COL13A1: variants seen among roughly 807,000 people sequenced by gnomAD.
The protein encoded by COL13A1 is collagen alpha-1(XIII) chain.
In COL13A1, 89 loss-of-function variants were observed where a neutral mutation model predicts 130.9. The observed-to-expected ratio is 0.68, with a 90% CI of 0.57 to 0.81. The LOEUF is 0.81. Ranked by LOEUF, COL13A1 falls within the 30% of genes least tolerant of loss-of-function variation. COL13A1 has a pLI of 0.00. For missense variants in COL13A1, 879 were observed against 934.6 expected, an observed-to-expected ratio of 0.94 and a Z score of 0.78; for synonymous variants, 402 against 341.6, an observed-to-expected ratio of 1.18 and a Z score of -1.95.
In COL13A1 at chr10:69,898,619, G is replaced by A. The variant is rs1186247765; in HGVS notation, c.685-78G>A. ...CCCTCTTGGTTGCCCTGCCCTCCTG[G>A]TGACTTTTGGCATCGATCTGAATAC... On this transcript the variant is annotated intron_variant, in intron 13 of 40. Coordinates refer to ENST00000645393, the MANE Select transcript of COL13A1 (RefSeq NM_001368882.1). 3 of 1,315,178 alleles carry A rather than the reference G, an allele frequency of 2.3e-6. No homozygotes were observed. In the African/African-American group the frequency reaches 4.4e-5, roughly 19 times the overall value. 81.5% of individuals were successfully genotyped at this position (1,315,178 alleles called of 1,614,324 possible).
At chr10:69,828,466 C>T (rs1848050626) in intron 2 of COL13A1, among the ~76,000 whole-genome samples, 1 of 152,138 alleles carries the variant, frequency 6.6e-6, no homozygotes, top group African/African-American at 2.4e-5. Flanking sequence ...GTGCTCATAC[C>T]CCCCATCCCA....
intron 1 of COL13A1, among the ~76,000 whole-genome samples, chr10:69,809,025 A>G (rs942407692): frequency 1.3e-5 from 2 of 152,084 alleles, no homozygotes; most frequent in African/African-American, 4.8e-5. Flanking sequence ...ACCCCCTCCC[A>G]TCCTCTACTC....
rs2065979984 is a variant in COL13A1, at chr10:69,930,542, C to T, written c.1673C>T (p.Ala558Val). 2 of 1,613,056 alleles carry T rather than the reference C, an allele frequency of 1.2e-6. No individual in the cohort carries two copies. ...GGGGAAAAAGGGGAGACAGGACAAG[C>T]AGGCTCACCGGTGAGTGGCAGGGCT... is the stretch of plus-strand genomic sequence containing the variant. ...EKGEKGETGQ[A>V]GSPGEKGEAG... is the part of the protein sequence containing the mutation. Residue 558 changes from alanine to valine, a missense_variant, in exon 30 of 41, where the codon GCA becomes GTA. Physicochemically the swap from Ala to Val is moderately conservative, Grantham distance 64 (BLOSUM62 0). Coordinates refer to ENST00000645393, the MANE Select transcript of COL13A1 (RefSeq NM_001368882.1).
chr10:69,808,383 T>A (rs920838459), intron 1 of COL13A1, among the ~76,000 whole-genome samples: 40 of 152,322 alleles, frequency 2.6e-4, no homozygotes, highest in African/African-American at 9.1e-4. Context: ...TTCCTGTTGC[T>A]CTTCCTAGGT....
rs1436153843 is a variant in COL13A1 at position 69,952,987 on chromosome 10, C to T, written c.2145+19C>T. On this transcript the variant is annotated intron_variant, in intron 39 of 40. Transcript: ENST00000645393. Reference sequence around the variant, plus strand: ...CCCATTGGTATGTTTTTGTTTATCACTTGCATTGTTCTGGTTTTTGTTCTT... The same window carrying T: ...CCCATTGGTATGTTTTTGTTTATCATTTGCATTGTTCTGGTTTTTGTTCTT... The T allele has an allele frequency of 1.3e-6, 2 of 1,494,326 alleles. No homozygotes were observed. The highest frequency in any genetic ancestry group is 1.4e-5 in the South Asian group (1 of 71,754). The allele number at this position is 1,494,326 out of a possible 1,614,324, so 92.6% of individuals were successfully genotyped here.
intron 30 of COL13A1, chr10:69,931,299 C>A: frequency 2.2e-6 from 1 of 446,640 alleles, no homozygotes; most frequent in Non-Finnish European, 4.5e-6. Flanking sequence ...TGCAGGCAGC[C>A]ACAGATGAGG....
At chr10:69,884,953 G>T (rs578250311) in intron 7 of COL13A1, among the ~76,000 whole-genome samples, 9 of 152,342 alleles carry the variant, frequency 5.9e-5, no homozygotes, top group East Asian at 5.8e-4. Flanking sequence ...AAGAAATGAC[G>T]CTGGGACAAC....
Position 69,849,137 on chromosome 10 carries a change from G to A in COL13A1, c.365-18661G>A, listed in dbSNP as rs1256694968. 2.6e-5 allele frequency among the ~76,000 whole-genome samples: 4 copies of A among 152,344 alleles called. No individual in the cohort carries two copies. In the South Asian group the frequency reaches 8.3e-4, roughly 32 times the overall value. ...TTTTAAATGTCTTAGAATTTTCAAA[G>A]GTTCTGATATCACAGTGCTTACAGA... On this transcript the variant is annotated intron_variant, in intron 2 of 40. Transcript: ENST00000645393.
intron 34 of COL13A1, among the ~76,000 whole-genome samples, chr10:69,938,620 G>T (rs1327018554): frequency 6.6e-6 from 1 of 152,160 alleles, no homozygotes; most frequent in African/African-American, 2.4e-5. Flanking sequence ...CTCAAGGCCA[G>T]TTCCCACCCC....
chr10:69,826,846 G>T (rs149663639), intron 2 of COL13A1, among the ~76,000 whole-genome samples: 8 of 152,046 alleles, frequency 5.3e-5, no homozygotes, highest in Non-Finnish European at 7.4e-5. Context: ...CAGATGCTTC[G>T]GTTCTTGCCA....
intron 15 of COL13A1, among the ~76,000 whole-genome samples, chr10:69,904,135 C>T (rs2062481478): frequency 6.6e-6 from 1 of 152,168 alleles, no homozygotes; most frequent in African/African-American, 2.4e-5. Context: ...GGAAGGGAAA[C>T]TCAGGAAACG....
chr10:69,869,825 T>C (rs917468967), intron 3 of COL13A1, among the ~76,000 whole-genome samples: 1 of 152,156 alleles, frequency 6.6e-6, no homozygotes, highest in Non-Finnish European at 1.5e-5. Context: ...TGAAAACAGA[T>C]GACCAAGGGA....
At position 69,921,901 on chromosome 10, in the gene COL13A1, G is replaced by T. The variant is rs1177354763; in HGVS notation, c.1109G>T (p.Gly370Val). Residue 370 changes from glycine (G) to valine (V), a missense_variant, in exon 22 of 41, where the codon GGC becomes GTC. By Grantham distance (109) the Gly-to-Val change is moderately radical. This residue lies in a region of COL13A1 where 715 missense variants were observed against 721.0 expected (regional missense o/e 0.99). Transcript: ENST00000645393. Reference protein sequence around the residue: ...RGQRGEKGAEGSPGLPGLLGQ... With the variant: ...RGQRGEKGAEVSPGLPGLLGQ... The stretch of plus-strand genomic sequence containing the variant: ...CTGCAGGGTGAGAAGGGGGCTGAAG[G>T]CTCCCCTGGGCTTCCTGGCCTCCTG... 1 of 1,607,498 alleles carries T rather than the reference G, an allele frequency of 6.2e-7. No homozygotes were observed. The highest frequency in any genetic ancestry group is 2.2e-5 in the East Asian group (1 of 44,680).
intron 2 of COL13A1, among the ~76,000 whole-genome samples, chr10:69,852,129 T>C (rs1429548880): frequency 1.3e-5 from 2 of 152,162 alleles, no homozygotes; most frequent in African/African-American, 4.8e-5. Flanking sequence ...ATTATCTAGG[T>C]TTCGACTCCA....
intron 2 of COL13A1, among the ~76,000 whole-genome samples, chr10:69,832,702 C>A (rs1256382626): frequency 6.6e-6 from 1 of 152,158 alleles, no homozygotes; most frequent in Non-Finnish European, 1.5e-5. Flanking sequence ...CTGGAACTTG[C>A]TGGTGATACT....
intron 17 of COL13A1, among the ~76,000 whole-genome samples, chr10:69,906,288 A>G (rs888481709): frequency 5.3e-5 from 8 of 152,196 alleles, no homozygotes; most frequent in African/African-American, 1.9e-4. Flanking sequence ...AAACCATTCC[A>G]AGTTTACTGA....
chr10:69,856,222 G>A (rs899037897), intron 2 of COL13A1, among the ~76,000 whole-genome samples: 1 of 152,192 alleles, frequency 6.6e-6, no homozygotes, highest in Non-Finnish European at 1.5e-5. Context: ...AGCTTTTCTT[G>A]AATAGTTTCA....
intron 2 of COL13A1, among the ~76,000 whole-genome samples, chr10:69,851,052 T>C (rs1390879195): frequency 1.3e-5 from 2 of 152,176 alleles, no homozygotes; most frequent in Non-Finnish European, 2.9e-5. Context: ...GGCCAGCACA[T>C]GGGCCAGGGG....
intron 19 of COL13A1, 103 bp downstream of exon 19, chr10:69,918,420 G>A (rs1319428470): frequency 4.4e-6 from 5 of 1,124,582 alleles, no homozygotes; most frequent in African/African-American, 1.5e-5. Flanking sequence ...CCAGACCAAT[G>A]AGGGGGCATA....
Sources: gnomAD v4.1 joint callset for allele counts (sites outside exome capture counted in the v4.1 genomes callset) on GRCh38, gnomAD v4.1.1 for gene constraint, gnomAD v4.1.1 regional missense constraint, MANE v1.5 for transcripts, NCBI Gene and HGNC (gene_info 2026-07-23, HGNC 2026-07-21) for gene names.